The following TRMT11 variants were observed in gnomAD, a reference collection of about 807,000 sequenced individuals.
TRMT11 encodes the protein tRNA (guanine(10)-N(2))-methyltransferase TRMT11.
TRMT11 carries 53 observed loss-of-function variants against 62.8 expected under a neutral mutation model. That is an observed-to-expected ratio of 0.84 (90% CI 0.68 to 1.06). TRMT11 has a LOEUF of 1.06. Ranked by LOEUF, TRMT11 falls within the 50% of genes least tolerant of loss-of-function variation. The probability of loss-of-function intolerance (pLI) is 0.00; values close to 1 mark genes in which losing one functional copy is unlikely to be tolerated. For missense variants in TRMT11, 556 were observed against 553.4 expected (o/e 1.00, Z -0.05); for synonymous variants, 188 against 190.3 (o/e 0.99, Z 0.10).
At chr6:126,035,924 T>C (rs190817872) in intron 12 of TRMT11, among the ~76,000 whole-genome samples, 1 of 152,230 alleles carries the variant, frequency 6.6e-6, no homozygotes, top group East Asian at 1.9e-4. Flanking sequence ...CCATCTTCCA[T>C]TGTGCTTTGG....
intron 17 of TRMT11, among the ~76,000 whole-genome samples, chr6:126,074,843 T>C (rs547654769): frequency 1.2e-4 from 18 of 152,152 alleles, no homozygotes; most frequent in Non-Finnish European, 2.4e-4. Context: ...ATTAAACAAT[T>C]ATTTTCAAGA....
Position 125,998,292 on chromosome 6 carries a change from G to A in TRMT11, c.364G>A (p.Glu122Lys), listed in dbSNP as rs1261895474. ...IHTFNKTLTQEEKIKRIDALE... is the reference protein window; with the variant it reads ...IHTFNKTLTQKEKIKRIDALE... ...CACTTTTAATAAGACATTGACACAA[G>A]AAGAGAAAATCAAGCGAATAGATGT... Residue 122 changes from glutamate to lysine, a missense_variant, in exon 5 of 13, where the codon GAA (glutamate) becomes AAA (lysine). Glu to Lys is a moderately conservative substitution (Grantham distance 56). Transcript: ENST00000334379. 1 of 1,599,980 alleles carries A rather than the reference G, an allele frequency of 6.3e-7. No individual in the cohort carries two copies. The highest frequency in any genetic ancestry group is 1.3e-5 in the African/African-American group (1 of 74,636).
chr6:126,094,341 T>C (rs186109883), intron 17 of TRMT11, among the ~76,000 whole-genome samples: 19 of 152,314 alleles, frequency 1.2e-4, no homozygotes, highest in Admixed American at 2.6e-4. Context: ...GTGTGTTCTT[T>C]TAGAAAAAGA....
At chr6:126,232,865 G>T in the TRMT11 span, among the ~76,000 whole-genome samples, 1 of 152,164 alleles carries the variant, frequency 6.6e-6, no homozygotes, top group Admixed American at 6.5e-5. Context: ...AATGCTTCCT[G>T]TAAGTAGTCA....
upstream of TRMT11, among the ~76,000 whole-genome samples, chr6:126,176,395 C>T (rs1006646363): frequency 6.7e-6 from 1 of 148,550 alleles, no homozygotes; most frequent in East Asian, 1.9e-4. Flanking sequence ...ATACATGACT[C>T]TATAGTTCTT....
intron 17 of TRMT11, among the ~76,000 whole-genome samples, chr6:126,078,358 C>A (rs947120814): frequency 5.3e-5 from 8 of 151,864 alleles, no homozygotes; most frequent in Non-Finnish European, 1.2e-4. Flanking sequence ...AATTATCAGT[C>A]ATCTCTAACT....
At position 125,998,300 on chromosome 6, in the gene TRMT11, A is replaced by T; in HGVS notation, c.372A>T (p.Lys124Asn). 6.3e-7 allele frequency: 1 copy of T among 1,593,870 alleles called. No individual in the cohort carries two copies. The highest frequency in any genetic ancestry group is 2.2e-5 in the East Asian group (1 of 44,744). Residue 124 changes from lysine (K) to asparagine (N), a missense_variant, in exon 5 of 13, where the codon AAA becomes AAT. Physicochemically the swap from Lys to Asn is moderately conservative, Grantham distance 94 (BLOSUM62 0). Coordinates refer to ENST00000334379, the MANE Select transcript of TRMT11 (RefSeq NM_001031712.3). ...TFNKTLTQEE[K>N]IKRIDALEFL... ...ATAAGACATTGACACAAGAAGAGAA[A>T]ATCAAGCGAATAGATGTAAGTAAAT...
intron 17 of TRMT11, among the ~76,000 whole-genome samples, chr6:126,062,053 T>C (rs1490761639): frequency 6.6e-6 from 1 of 152,138 alleles, no homozygotes; most frequent in Non-Finnish European, 1.5e-5. Flanking sequence ...CTAATTTTTG[T>C]ATTTTCTATT....
At chr6:126,214,681 CTTG>C in the TRMT11 span, among the ~76,000 whole-genome samples, 2 of 151,810 alleles carry the variant, frequency 1.3e-5, no homozygotes, top group African/African-American at 2.4e-5. Context: ...AAAAAACCAG[CTTG>C]TTGTTTCTTT....
chr6:126,262,958 T>C, the TRMT11 span, among the ~76,000 whole-genome samples: 1 of 152,200 alleles, frequency 6.6e-6, no homozygotes, highest in African/African-American at 2.4e-5. Flanking sequence ...GGTCTGTTTT[T>C]CTTGGTGGGA....
At chr6:126,098,920 T>C (rs904186906) in intron 17 of TRMT11, among the ~76,000 whole-genome samples, 1 of 152,110 alleles carries the variant, frequency 6.6e-6, no homozygotes, top group Non-Finnish European at 1.5e-5. Context: ...ATTCAGAAAA[T>C]GTAGGCATTC....
intron 1 of TRMT11, among the ~76,000 whole-genome samples, chr6:126,180,207 G>A (rs1778442206): frequency 6.6e-6 from 1 of 152,108 alleles, no homozygotes; most frequent in African/African-American, 2.4e-5. Context: ...CATCTTAGAT[G>A]ATCTACAAAG....
chr6:126,075,875 C>T (rs1412043429), intron 17 of TRMT11, among the ~76,000 whole-genome samples: 1 of 152,150 alleles, frequency 6.6e-6, no homozygotes, highest in African/African-American at 2.4e-5. Context: ...GGAAAAGGCA[C>T]ATGGCCTTTT....
At chr6:126,099,068 A>G (rs1269184011) in intron 17 of TRMT11, among the ~76,000 whole-genome samples, 6 of 152,344 alleles carry the variant, frequency 3.9e-5, no homozygotes, top group South Asian at 4.1e-4. Flanking sequence ...CACTTTTGGA[A>G]GTTACTTCTC....
the TRMT11 span, among the ~76,000 whole-genome samples, chr6:126,267,814 A>C: frequency 6.6e-6 from 1 of 152,210 alleles, no homozygotes; most frequent in Non-Finnish European, 1.5e-5. Context: ...CCCACTAAGA[A>C]TAATGACCTC....
chr6:126,204,594 C>T (rs1029593921), downstream of TRMT11, among the ~76,000 whole-genome samples: 11 of 151,170 alleles, frequency 7.3e-5, no homozygotes, highest in Admixed American at 2.6e-4. Context: ...TGTATGTGTT[C>T]CCCTCTATTA....
intron 1 of TRMT11, among the ~76,000 whole-genome samples, chr6:126,182,290 A>G (rs900192868): frequency 2.6e-5 from 4 of 151,952 alleles, no homozygotes; most frequent in African/African-American, 9.7e-5. Flanking sequence ...TCCTGTGATA[A>G]TCAGCATATC....
chr6:126,048,622 A>G (rs1776126622), intron 16 of TRMT11, among the ~76,000 whole-genome samples: 1 of 152,178 alleles, frequency 6.6e-6, no homozygotes, highest in Non-Finnish European at 1.5e-5. Flanking sequence ...TGGATCCATT[A>G]TTGTACTGGA....
chr6:126,255,372 T>C, the TRMT11 span, among the ~76,000 whole-genome samples: 1 of 152,198 alleles, frequency 6.6e-6, no homozygotes, highest in Non-Finnish European at 1.5e-5. Flanking sequence ...TTCCTCTTCA[T>C]CTCAGAGACC....
Sources: allele counts gnomAD v4.1 joint callset (sites outside exome capture counted in the v4.1 genomes callset), GRCh38; gene constraint gnomAD v4.1.1; transcripts MANE v1.5; gene names NCBI Gene and HGNC (gene_info 2026-07-23, HGNC 2026-07-21).